The following ATXN3 variants were observed in gnomAD, a reference collection of about 807,000 sequenced individuals.
ATXN3 encodes the protein ataxin-3.
A neutral mutation model predicts 58.2 loss-of-function variants in ATXN3; 28 were observed. That is an observed-to-expected ratio of 0.48 (90% CI 0.36 to 0.66). The LOEUF is 0.66. ATXN3 is among the 30% of genes least tolerant of loss of function. The pLI is 0.00. For synonymous variants in ATXN3, 113 were observed against 138.5 expected (o/e 0.82, Z 1.29); for missense variants, 321 against 422.1 (o/e 0.76, Z 2.10).
downstream of ATXN3, among the ~76,000 whole-genome samples, chr14:92,056,968 C>G (rs2057472571): frequency 3.3e-5 from 5 of 152,158 alleles, no homozygotes; most frequent in Admixed American, 2.6e-4. Flanking sequence ...AAGAAGCCGG[C>G]TGAAAAAGCC....
Position 92,059,022 on chromosome 14 carries a change from T to C in ATXN3, c.*5298A>G, listed in dbSNP as rs2057561055. On this transcript the variant is annotated 3_prime_UTR_variant, in exon 11 of 11. Transcript: ENST00000644486. ...AAGAGACAATTGAGAGCTTCCTAAA[T>C]GCATCAGGAATATCCATTTATATTT... 6.6e-6 allele frequency: 1 copy of C among 152,072 alleles called. No homozygotes were observed. Among genetic ancestry groups the C allele is most frequent in the Admixed American group, 6.6e-5 (1 of 15,260 alleles). The allele number at this position is 152,072 out of a possible 1,614,324, so 9.4% of individuals were successfully genotyped here.
chr14:92,068,613 A>G (rs555385785), intron 10 of ATXN3, among the ~76,000 whole-genome samples: 1 of 148,140 alleles, frequency 6.8e-6, no homozygotes, highest in Non-Finnish European at 1.5e-5. Context: ...TTTTTGAGAC[A>G]GAGTTTTGCT....
At chr14:92,054,989 C>T (rs535246035), downstream of ATXN3, among the ~76,000 whole-genome samples, 1 of 152,324 alleles carries the variant, frequency 6.6e-6, no homozygotes, top group Admixed American at 6.5e-5. Flanking sequence ...TCAAGCAATT[C>T]TCCTGTCTCA....
intron 9 of ATXN3, chr14:92,079,498 T>G (rs2061048048): frequency 1.1e-6 from 1 of 923,986 alleles, no homozygotes; most frequent in African/African-American, 1.8e-5. Context: ...AAAAGGTAAA[T>G]ATTTTCTTCA....
rs1332595947 is a variant in ATXN3, at chr14:92,061,291, T to A, written c.*3029A>T. 4 of 152,020 alleles carry A rather than the reference T, an allele frequency of 2.6e-5. No individual in the cohort carries two copies. The highest frequency in any genetic ancestry group is 9.7e-5 in the African/African-American group (4 of 41,414). The allele number at this position is 152,020 out of a possible 1,614,324, so 9.4% of individuals were successfully genotyped here. A position where few individuals can be genotyped will look rare whatever the true frequency, so the allele number is the denominator to read the frequency against. ...CTTAAATAAAATATTCTGTGAATTG[T>A]AAATTATTTGGCCAAGATCCTAGTA... is the stretch of plus-strand genomic sequence containing the variant. On this transcript the variant is annotated 3_prime_UTR_variant, in exon 11 of 11. Coordinates refer to ENST00000644486, the MANE Select transcript of ATXN3 (RefSeq NM_004993.6).
chr14:92,086,903 A>G (rs1305296185), intron 6 of ATXN3, among the ~76,000 whole-genome samples: 2 of 152,208 alleles, frequency 1.3e-5, no homozygotes, highest in Non-Finnish European at 2.9e-5. Flanking sequence ...GCTGGGATCC[A>G]GCCCACAAGT....
At position 92,062,778 on chromosome 14, in the gene ATXN3, T is replaced by C. The variant is rs879040748; in HGVS notation, c.*1542A>G. ...TATAATCATAAATAAAAGATATTTT[T>C]TCTTCTCTTTTCAGTTAGTTAGCAA... On this transcript the variant is annotated 3_prime_UTR_variant, in exon 11 of 11. Coordinates refer to ENST00000644486, the MANE Select transcript of ATXN3 (RefSeq NM_004993.6). 2.0e-5 allele frequency: 3 copies of C among 152,662 alleles called. No homozygotes were observed. The South Asian group carries it at 6.2e-4, about 32-fold the overall frequency. The allele number at this position is 152,662 out of a possible 1,614,324, so 9.5% of individuals were successfully genotyped here.
At chr14:92,103,119 A>C (rs2067231450) in intron 1 of ATXN3, among the ~76,000 whole-genome samples, 2 of 150,750 alleles carry the variant, frequency 1.3e-5, no homozygotes, top group South Asian at 2.1e-4. Flanking sequence ...TTAAAAAAAA[A>C]AAAAAAAACA....
downstream of ATXN3, among the ~76,000 whole-genome samples, chr14:92,055,853 CG>C (rs1555391149): frequency 6.6e-6 from 1 of 152,100 alleles, no homozygotes; most frequent in Non-Finnish European, 1.5e-5. This position sits in a 1 kb window ranked among gnomAD's most constrained non-coding sequence, Gnocchi z 4.5. Flanking sequence ...CCCAGCTATT[CG>C]GGTGGCTGAG....
intron 9 of ATXN3, among the ~76,000 whole-genome samples, chr14:92,075,446 C>T (rs770310984): frequency 2.0e-5 from 3 of 152,118 alleles, no homozygotes; most frequent in Non-Finnish European, 2.9e-5. Context: ...GGATTACAAG[C>T]GTGAGCCATA....
At chr14:92,055,186 T>C (rs1469262061), downstream of ATXN3, among the ~76,000 whole-genome samples, 1 of 152,140 alleles carries the variant, frequency 6.6e-6, no homozygotes, top group Non-Finnish European at 1.5e-5. The surrounding 1 kb of genome is among the most constrained non-coding windows in gnomAD (Gnocchi z 4.5). Flanking sequence ...GGGGAGGATT[T>C]TTTGTTTTTT....
chr14:92,065,267 G>A (rs1317298317), intron 10 of ATXN3, among the ~76,000 whole-genome samples: 1 of 152,138 alleles, frequency 6.6e-6, no homozygotes, highest in African/African-American at 2.4e-5. Flanking sequence ...ATCCAGCCAC[G>A]GTGCTGCCTG....
At chr14:92,103,130 AAGC>A (rs1385019114) in intron 1 of ATXN3, among the ~76,000 whole-genome samples, 1 of 149,346 alleles carries the variant, frequency 6.7e-6, no homozygotes, top group Non-Finnish European at 1.5e-5. Context: ...AAAAAAAACA[AAGC>A]AGGCACCAGA....
At chr14:92,057,260 A>G (rs896673776), downstream of ATXN3, among the ~76,000 whole-genome samples, 7 of 152,220 alleles carry the variant, frequency 4.6e-5, no homozygotes, top group Non-Finnish European at 8.8e-5. Flanking sequence ...TACTAAAAAT[A>G]CAAAAATTAG....
chr14:92,074,062 C>T (rs1000828962), intron 9 of ATXN3, among the ~76,000 whole-genome samples: 1 of 148,702 alleles, frequency 6.7e-6, no homozygotes, highest in Admixed American at 6.7e-5. Context: ...CATGGTGGCT[C>T]ATACCTGTAA....
chr14:92,066,110 TTC>T (rs146634447), intron 10 of ATXN3, among the ~76,000 whole-genome samples: 42,360 of 150,818 alleles, frequency 0.28, 6,265 homozygotes, highest in African/African-American at 0.38. Flanking sequence ...ATAAATAAAT[TTC>T]TGTTTCTCTG....
rs1555392594 is a variant in ATXN3 at position 92,060,270 on chromosome 14, A to ATATATTTT, written c.*4049_*4050insAAAATATA. On this transcript the variant is annotated 3_prime_UTR_variant, in exon 11 of 11. Transcript: ENST00000644486. ...CACACATATATATATATATATATAT[A>ATATATTTT]TTTTTTTTTTTCAGAAACAGTGTCT... is the stretch of plus-strand genomic sequence containing the variant. 1.7e-5 allele frequency: 2 copies of ATATATTTT among 117,422 alleles called. No individual in the cohort carries two copies. The highest frequency in any genetic ancestry group is 3.4e-5 in the Non-Finnish European group (2 of 59,196). 7.3% of individuals were successfully genotyped at this position (117,422 alleles called of 1,614,324 possible).
chr14:92,084,170 C>T (rs1255213528), intron 6 of ATXN3, among the ~76,000 whole-genome samples: 3 of 152,296 alleles, frequency 2.0e-5, no homozygotes, highest in Non-Finnish European at 4.4e-5. Flanking sequence ...GTCGATACTC[C>T]TTAATACATT....
In ATXN3 at chr14:92,058,897, G is replaced by A. The variant is rs2057550473; in HGVS notation, c.*5423C>T. ...AAAAAGTTATTCCTAATAGCCCAGT[G>A]TTGTAAAAATTAGATAATCACATTT... On this transcript the variant is annotated 3_prime_UTR_variant, in exon 11 of 11. Coordinates refer to ENST00000644486, the MANE Select transcript of ATXN3 (RefSeq NM_004993.6). 1 of 150,770 alleles carries A rather than the reference G, an allele frequency of 6.6e-6. No individual in the cohort carries two copies. Among genetic ancestry groups the A allele is most frequent in the Admixed American group, 6.6e-5 (1 of 15,100 alleles). The allele number at this position is 150,770 out of a possible 1,614,324, so 9.3% of individuals were successfully genotyped here.
Sources: gnomAD v4.1 joint callset for allele counts (sites outside exome capture counted in the v4.1 genomes callset) on GRCh38, gnomAD v4.1.1 for gene constraint, Gnocchi (gnomAD v3.1) non-coding constraint, MANE v1.5 for transcripts, NCBI Gene and HGNC (gene_info 2026-07-23, HGNC 2026-07-21) for gene names.